PIK3R1: variants seen among roughly 807,000 people sequenced by gnomAD.
PIK3R1 encodes the protein phosphatidylinositol 3-kinase regulatory subunit alpha.
In PIK3R1, 29 loss-of-function variants were observed where a neutral mutation model predicts 98.0. That is an observed-to-expected ratio of 0.30 (90% CI 0.22 to 0.40). The LOEUF (loss-of-function observed/expected upper bound fraction) is 0.40. Ranked by LOEUF, PIK3R1 falls within the 10% of genes least tolerant of loss-of-function variation. The pLI, the probability that PIK3R1 is intolerant of heterozygous loss-of-function variation, is 1.00. For synonymous variants in PIK3R1, 282 were observed against 311.8 expected (o/e 0.90, Z 1.01); for missense variants, 596 against 872.7 (o/e 0.68, Z 3.99).
In PIK3R1 at chr5:68,297,533, C is replaced by T. The variant is rs774820995; in HGVS notation, c.2107C>T (p.Leu703Phe). ...GGTGCTACATTACCAACACACCTCC[C>T]TTGTGCAGCACAACGACTCCCTCAA... ...ELVLHYQHTS[L>F]VQHNDSLNVT... The change falls in exon 16 of 16, where the codon CTT (leucine) becomes TTT (phenylalanine). Residue 703 changes from leucine to phenylalanine, a missense_variant. Physicochemically the swap from Leu to Phe is conservative, Grantham distance 22. Around this residue, in one of 3 missense-constraint regions of PIK3R1, gnomAD observed 207 missense variants for 361.4 expected, o/e 0.57. Transcript: ENST00000521381. 1.9e-6 allele frequency: 3 copies of T among 1,614,202 alleles called. No homozygotes were observed. The highest frequency in any genetic ancestry group is 2.5e-6 in the Non-Finnish European group (3 of 1,180,004).
chr5:68,220,177 G>A (rs1423783212), intron 1 of PIK3R1, among the ~76,000 whole-genome samples: 1 of 152,194 alleles, frequency 6.6e-6, no homozygotes, highest in Non-Finnish European at 1.5e-5. Context: ...CCACAGAGAG[G>A]TTTAAGTAAC....
At chr5:68,292,481 C>T in intron 8 of PIK3R1, 120 bp downstream of exon 8, 2 of 1,475,018 alleles carry the variant, frequency 1.4e-6, no homozygotes, top group African/African-American at 1.4e-5. Flanking sequence ...AGTTGGTTCT[C>T]TTCCAAAGAC....
intron 2 of PIK3R1, among the ~76,000 whole-genome samples, chr5:68,238,476 C>T (rs1166624461): frequency 6.6e-6 from 1 of 152,044 alleles, no homozygotes; most frequent in African/African-American, 2.4e-5. Context: ...TGATTTATTT[C>T]TGTCCCTCAT....
chr5:68,280,222 C>T (rs912403011), intron 5 of PIK3R1: 27 of 418,574 alleles, frequency 6.5e-5, no homozygotes, highest in Non-Finnish European at 1.0e-4. Context: ...ATCTGATGCT[C>T]CTCTGAGTTA....
At chr5:68,246,454 C>G (rs956281294) in intron 2 of PIK3R1, among the ~76,000 whole-genome samples, 2 of 151,550 alleles carry the variant, frequency 1.3e-5, no homozygotes, top group African/African-American at 4.9e-5. Flanking sequence ...CTGAGATTAC[C>G]GGTGCCCGCC....
chr5:68,222,793 C>G (rs1433442879), intron 1 of PIK3R1, among the ~76,000 whole-genome samples: 14 of 152,066 alleles, frequency 9.2e-5, no homozygotes, highest in Admixed American at 9.2e-4. Flanking sequence ...CTTGTGCAGG[C>G]CACGAACCTG....
In PIK3R1 at chr5:68,301,418, A is replaced by ATATGTGTGTGTG. The variant is rs1748070365; in HGVS notation, c.*3820_*3821insGTGTGTGTGTAT. 9.8e-6 allele frequency: 1 copy of ATATGTGTGTGTG among 102,328 alleles called. No homozygotes were observed. The highest frequency in any genetic ancestry group is 1.9e-5 in the Non-Finnish European group (1 of 53,748). 6.3% of individuals were successfully genotyped at this position (102,328 alleles called of 1,614,324 possible). ...TATATATATATATATATATATATAT[A>ATATGTGTGTGTG]TATATATATATATATGTGTGTGTAT... On this transcript the variant is annotated 3_prime_UTR_variant, in exon 16 of 16. Transcript: ENST00000521381.
rs145734363 is a variant in PIK3R1 at position 68,235,401 on chromosome 5, A to AAAATAAAT, written c.334+8431_334+8438dup. ...CTGGGTGACAGAGTGAAAGTGTCTC[A>AAAATAAAT]AAATAAATAAATAAATAAATAAATA... On this transcript the variant is annotated intron_variant, in intron 2 of 15. Coordinates refer to ENST00000521381, the MANE Select transcript of PIK3R1 (RefSeq NM_181523.3). 6.5e-3 allele frequency among the ~76,000 whole-genome samples: 943 copies of AAAATAAAT among 145,394 alleles called. 3 individuals are homozygous for AAAATAAAT. The highest frequency in any genetic ancestry group is 0.01 in the African/African-American group (397 of 39,500).
intron 2 of PIK3R1, among the ~76,000 whole-genome samples, chr5:68,241,517 C>G (rs1744872292): frequency 6.6e-6 from 1 of 152,006 alleles, no homozygotes; most frequent in Non-Finnish European, 1.5e-5. Flanking sequence ...TTTAATGTGA[C>G]TCCTTACTAA....
intron 2 of PIK3R1, 29 bp downstream of exon 2, chr5:68,227,038 A>T (rs1367678399): frequency 6.5e-7 from 1 of 1,540,578 alleles, no homozygotes. Context: ...TTGCTTAATG[A>T]CTCCCTTTCT....
intron 2 of PIK3R1, among the ~76,000 whole-genome samples, chr5:68,251,681 A>G (rs770141532): frequency 1.3e-5 from 2 of 152,216 alleles, no homozygotes; most frequent in Non-Finnish European, 2.9e-5. Context: ...TTTTATGGAC[A>G]GAACTACAAC....
chr5:68,299,155 C>T lies in PIK3R1; in HGVS notation c.*1554C>T. On this transcript the variant is annotated 3_prime_UTR_variant, in exon 16 of 16. Transcript: ENST00000521381. ...GAACAGCGCTCACCTTTGTTTAGAACACTGGTTTAAAGGGATAATCATCTC... is the reference window on the plus strand; with the variant it reads ...GAACAGCGCTCACCTTTGTTTAGAATACTGGTTTAAAGGGATAATCATCTC... 1 of 233,420 alleles carries T rather than the reference C, an allele frequency of 4.3e-6. No individual in the cohort carries two copies. Among genetic ancestry groups the T allele is most frequent in the Non-Finnish European group, 8.5e-6 (1 of 117,954 alleles). 14.5% of individuals were successfully genotyped at this position (233,420 alleles called of 1,614,324 possible). A position where few individuals can be genotyped will look rare whatever the true frequency, so the allele number is the denominator to read the frequency against.
intron 12 of PIK3R1, 69 bp from the exon 13 acceptor site, chr5:68,295,079 T>G: frequency 1.5e-6 from 2 of 1,324,664 alleles, no homozygotes; most frequent in South Asian, 3.4e-5. Flanking sequence ...ATAGTGAAAC[T>G]TTTCATAAAC....
chr5:68,268,350 A>G (rs1270604491), intron 2 of PIK3R1, among the ~76,000 whole-genome samples: 1 of 152,198 alleles, frequency 6.6e-6, no homozygotes, highest in Non-Finnish European at 1.5e-5. Context: ...AGCACAGGCC[A>G]TCATTTGTTG....
At chr5:68,275,580 G>A (rs1470444272) in intron 4 of PIK3R1, among the ~76,000 whole-genome samples, 4 of 151,074 alleles carry the variant, frequency 2.6e-5, no homozygotes, top group South Asian at 4.2e-4. Context: ...CAAGATTCAC[G>A]TCAATGGTAC....
chr5:68,286,294 G>A (rs988630197), intron 7 of PIK3R1, among the ~76,000 whole-genome samples: 2 of 152,202 alleles, frequency 1.3e-5, no homozygotes, highest in African/African-American at 4.8e-5. Flanking sequence ...AGGTCCCAGA[G>A]AAATGCTGAC....
intron 2 of PIK3R1, chr5:68,239,897 T>C (rs898658709): frequency 3.6e-5 from 18 of 502,746 alleles, no homozygotes; most frequent in Middle Eastern, 5.9e-4. Flanking sequence ...TACTATTCCT[T>C]ACAGCAAAAG....
chr5:68,230,618 G>A (rs1454755806), intron 2 of PIK3R1, among the ~76,000 whole-genome samples: 2 of 152,166 alleles, frequency 1.3e-5, no homozygotes, highest in Non-Finnish European at 2.9e-5. Flanking sequence ...TTTCTTCCCA[G>A]GGCCTGGGAC....
intron 7 of PIK3R1, among the ~76,000 whole-genome samples, chr5:68,281,661 TC>T (rs1746844574): frequency 6.6e-6 from 1 of 152,236 alleles, no homozygotes; most frequent in Non-Finnish European, 1.5e-5. Context: ...AGTTAGCTAA[TC>T]GACACTGGTC....
Sources: allele counts gnomAD v4.1 joint callset (sites outside exome capture counted in the v4.1 genomes callset), GRCh38; gene constraint gnomAD v4.1.1; regional missense constraint gnomAD v4.1.1; transcripts MANE v1.5; gene names NCBI Gene and HGNC (gene_info 2026-07-23, HGNC 2026-07-21).